The following GRIK4 variants were observed in gnomAD, a reference collection of about 807,000 sequenced individuals.
GRIK4 encodes glutamate receptor ionotropic, kainate 4.
Under a neutral mutation model 104.9 loss-of-function variants are expected in GRIK4, and 40 were observed. That is an observed-to-expected ratio of 0.38 (90% CI 0.30 to 0.50). GRIK4 has a LOEUF of 0.50. GRIK4 is among the 20% of genes least tolerant of loss of function. The probability of loss-of-function intolerance (pLI) is 0.93; values close to 1 mark genes in which losing one functional copy is unlikely to be tolerated. For synonymous variants in GRIK4, 485 were observed against 524.9 expected (o/e 0.92, Z 1.04); for missense variants, 1,047 against 1,308.1 (o/e 0.80, Z 3.08).
intron 3 of GRIK4, among the ~76,000 whole-genome samples, chr11:120,663,677 C>G (rs979443432): frequency 9.2e-5 from 14 of 152,204 alleles, no homozygotes; most frequent in African/African-American, 3.4e-4. Flanking sequence ...AAACCACTCC[C>G]TGTGAGCCAA....
Position 120,903,817 on chromosome 11 carries a change from C to T in GRIK4, c.1273-1473C>T, listed in dbSNP as rs942114800. Among the ~76,000 whole-genome samples the T allele has an allele frequency of 3.9e-5, 6 of 152,196 alleles. No individual in the cohort carries two copies. The highest frequency in any genetic ancestry group is 5.9e-5 in the Non-Finnish European group (4 of 68,028). ...GAACAGCCCTCACTCCTGTGGCACTCGCTCAGTCCTCATCCTACGGAGTCC... is the reference window on the plus strand; with the variant it reads ...GAACAGCCCTCACTCCTGTGGCACTTGCTCAGTCCTCATCCTACGGAGTCC... On this transcript the variant is annotated intron_variant, in intron 12 of 20. Transcript: ENST00000527524. This position sits in a 1 kb window ranked among gnomAD's most constrained non-coding sequence, Gnocchi z 4.4.
At chr11:120,702,395 T>A (rs1203032041) in intron 3 of GRIK4, among the ~76,000 whole-genome samples, 1 of 152,152 alleles carries the variant, frequency 6.6e-6, no homozygotes, top group Non-Finnish European at 1.5e-5. Context: ...TTAGACAACC[T>A]GTGGAGATGC....
chr11:120,940,524 T>C lies in GRIK4; in HGVS notation c.1590+64T>C. 1.1e-6 allele frequency: 1 copy of C among 883,676 alleles called. No individual in the cohort carries two copies. Among genetic ancestry groups the C allele is most frequent in the Non-Finnish European group, 1.9e-6 (1 of 536,852 alleles). 54.7% of individuals were successfully genotyped at this position (883,676 alleles called of 1,614,324 possible). A position where few individuals can be genotyped will look rare whatever the true frequency, so the allele number is the denominator to read the frequency against. On this transcript the variant is annotated intron_variant, in intron 14 of 20. Coordinates refer to ENST00000527524, the MANE Select transcript of GRIK4 (RefSeq NM_014619.5). This position sits in a 1 kb window ranked among gnomAD's most constrained non-coding sequence, Gnocchi z 4.3. ...TTATTTGCATGCAAACACTGAGTTATACGGGAATAATGAATGACTCATGGA... is the reference window on the plus strand; with the variant it reads ...TTATTTGCATGCAAACACTGAGTTACACGGGAATAATGAATGACTCATGGA...
intron 13 of GRIK4, among the ~76,000 whole-genome samples, chr11:120,928,107 C>T (rs1376869329): frequency 2.7e-5 from 4 of 150,094 alleles, no homozygotes; most frequent in Admixed American, 2.0e-4. Flanking sequence ...CCCAGCTACT[C>T]GGGAGGCTGA....
At chr11:120,954,264 CAA>C (rs1384141616) in intron 15 of GRIK4, among the ~76,000 whole-genome samples, 3 of 151,798 alleles carry the variant, frequency 2.0e-5, no homozygotes, top group African/African-American at 7.3e-5. Flanking sequence ...AAGATGCAGC[CAA>C]AAAAAGACAG....
At chr11:120,785,770 A>G (rs1815771) in intron 3 of GRIK4, among the ~76,000 whole-genome samples, 144,177 of 152,260 alleles carry the variant, frequency 0.95, 68,345 homozygotes, top group East Asian at 0.99. Flanking sequence ...GGTTCTCTGC[A>G]GCGCCTGAGC....
At chr11:120,883,020 G>A (rs1439219878) in intron 11 of GRIK4, among the ~76,000 whole-genome samples, 1 of 152,162 alleles carries the variant, frequency 6.6e-6, no homozygotes, top group Non-Finnish European at 1.5e-5. Context: ...TGCAAGCACC[G>A]GTCCAGTGCT....
intron 18 of GRIK4, among the ~76,000 whole-genome samples, chr11:120,965,102 T>A (rs1278472818): frequency 6.6e-6 from 1 of 152,024 alleles, no homozygotes; most frequent in Non-Finnish European, 1.5e-5. Context: ...CATTCTTAAG[T>A]GGAATGTAAG....
chr11:120,970,360 G>T (rs1460860815), intron 19 of GRIK4, among the ~76,000 whole-genome samples: 2 of 152,172 alleles, frequency 1.3e-5, no homozygotes, highest in Non-Finnish European at 2.9e-5. Context: ...GGTCCAGGCC[G>T]CAAGCTCTGG....
intron 13 of GRIK4, among the ~76,000 whole-genome samples, chr11:120,921,294 G>A (rs1052166825): frequency 1.5e-4 from 23 of 152,248 alleles, no homozygotes; most frequent in East Asian, 9.7e-4. Context: ...TTCTTTATCC[G>A]TCTATTGGCA....
At chr11:120,797,875 C>G (rs932923924) in intron 3 of GRIK4, among the ~76,000 whole-genome samples, 1 of 152,180 alleles carries the variant, frequency 6.6e-6, no homozygotes, top group African/African-American at 2.4e-5. Context: ...CTATTTCCCA[C>G]GTACTCATTT....
In GRIK4 at chr11:120,512,975, C is replaced by T. The variant is rs569861885; in HGVS notation, c.-159+1088C>T. 1.9e-4 allele frequency among the ~76,000 whole-genome samples: 29 copies of T among 152,240 alleles called. 1 individual carries two copies. In the South Asian group the frequency reaches 4.1e-3, roughly 22 times the overall value. On this transcript the variant is annotated intron_variant, in intron 1 of 20. Transcript: ENST00000527524. The stretch of plus-strand genomic sequence containing the variant: ...CACTCCCGGGCTGGACCTTGGGCTG[C>T]GTGGCTCTTGGCATCTGTACTTGAT...
intron 3 of GRIK4, among the ~76,000 whole-genome samples, chr11:120,766,126 A>G (rs548263315): frequency 6.3e-4 from 96 of 152,176 alleles, no homozygotes; most frequent in Non-Finnish European, 1.1e-3. Flanking sequence ...TGGGGCTGCT[A>G]CCTTTCTTTC....
intron 13 of GRIK4, among the ~76,000 whole-genome samples, chr11:120,916,890 C>T (rs186334471): frequency 1.3e-5 from 2 of 152,228 alleles, no homozygotes; most frequent in Admixed American, 6.5e-5. Flanking sequence ...AGATAAGGGG[C>T]GCTTGCATTC....
At chr11:120,772,046 C>A (rs535042810) in intron 3 of GRIK4, among the ~76,000 whole-genome samples, 1 of 152,266 alleles carries the variant, frequency 6.6e-6, no homozygotes, top group East Asian at 1.9e-4. Context: ...CCAAAAAAGC[C>A]AAAAGGACAG....
chr11:120,598,305 T>C (rs1484627001), intron 1 of GRIK4, among the ~76,000 whole-genome samples: 1 of 152,210 alleles, frequency 6.6e-6, no homozygotes, highest in African/African-American at 2.4e-5. Flanking sequence ...ATGAGGAAAC[T>C]GAGGCTCACA....
chr11:120,529,736 C>T (rs896955472), intron 1 of GRIK4, among the ~76,000 whole-genome samples: 11 of 152,236 alleles, frequency 7.2e-5, no homozygotes, highest in African/African-American at 4.8e-5. Context: ...CCACCATCCC[C>T]GCTGTGTGCA....
intron 13 of GRIK4, among the ~76,000 whole-genome samples, chr11:120,922,105 C>T (rs1233075029): frequency 6.6e-6 from 1 of 152,184 alleles, no homozygotes; most frequent in Non-Finnish European, 1.5e-5. Context: ...TGTGCCTGCT[C>T]CACAGATAGT....
chr11:120,644,542 A>G (rs1949516976), intron 1 of GRIK4, among the ~76,000 whole-genome samples: 1 of 152,190 alleles, frequency 6.6e-6, no homozygotes, highest in South Asian at 2.1e-4. Context: ...AGCCTTCCAG[A>G]AGGAATACCT....
Sources: allele counts gnomAD v4.1 joint callset (sites outside exome capture counted in the v4.1 genomes callset), GRCh38; gene constraint gnomAD v4.1.1; non-coding constraint Gnocchi (gnomAD v3.1); transcripts MANE v1.5; gene names NCBI Gene and HGNC (gene_info 2026-07-23, HGNC 2026-07-21).